RARS2: variants seen among roughly 807,000 people sequenced by gnomAD.
RARS2 encodes probable arginine--tRNA ligase, mitochondrial.
RARS2 carries 67 observed loss-of-function variants against 88.5 expected under a neutral mutation model. The observed-to-expected ratio is 0.76, with a 90% CI of 0.62 to 0.93. The LOEUF is 0.93. Ranked by LOEUF, RARS2 falls within the 40% of genes least tolerant of loss-of-function variation. The pLI, the probability that RARS2 is intolerant of heterozygous loss-of-function variation, is 0.00. For missense variants in RARS2, 664 were observed against 684.2 expected (o/e 0.97, Z 0.33); for synonymous variants, 239 against 230.3 (o/e 1.04, Z -0.34).
chr6:87,585,546 C>T (rs1191999943), intron 1 of RARS2, among the ~76,000 whole-genome samples: 13 of 151,876 alleles, frequency 8.6e-5, no homozygotes, highest in African/African-American at 2.2e-4. Flanking sequence ...CTGGCTAACA[C>T]GGTGAAACCC....
At chr6:87,586,036 A>C (rs924951977) in intron 1 of RARS2, among the ~76,000 whole-genome samples, 2 of 152,214 alleles carry the variant, frequency 1.3e-5, no homozygotes, top group African/African-American at 4.8e-5. Context: ...GTTCTGGTAG[A>C]GACTCGTGCA....
At chr6:87,589,612 G>A (rs1776363179) in intron 1 of RARS2, 2 of 929,386 alleles carry the variant, frequency 2.2e-6, no homozygotes, top group African/African-American at 1.8e-5. Context: ...AACTTCTATG[G>A]GGTCTAATCA....
At chr6:87,555,325 A>T in intron 5 of RARS2, 83 bp downstream of exon 5, 1 of 1,045,526 alleles carries the variant, frequency 9.6e-7, no homozygotes, top group Non-Finnish European at 1.5e-6. Context: ...GTTATTTATT[A>T]AGACCCCCAA....
Position 87,551,626 on chromosome 6 carries a change from C to CAA in RARS2, c.396-2982_396-2981dup, listed in dbSNP as rs71018036. Reference sequence around the variant, plus strand: ...GCGAGACAGCAAGACTCCGTCTCAACAAAAAAAAAAAAAAAAAAAAAAAGA... The same window carrying CAA: ...GCGAGACAGCAAGACTCCGTCTCAACAAAAAAAAAAAAAAAAAAAAAAAAAGA... On this transcript the variant is annotated intron_variant, in intron 5 of 19. Coordinates refer to ENST00000369536, the MANE Select transcript of RARS2 (RefSeq NM_020320.5). Among the ~76,000 whole-genome samples, 451 of 65,126 alleles carry CAA rather than the reference C, an allele frequency of 6.9e-3. 34 individuals carry two copies. The highest frequency in any genetic ancestry group is 0.021 in the African/African-American group (325 of 15,524). 42.7% of individuals were successfully genotyped at this position (65,126 alleles called of 152,430 possible). A position where few individuals can be genotyped will look rare whatever the true frequency, so the allele number is the denominator to read the frequency against.
At chr6:87,547,387 G>C (rs1782905986) in intron 6 of RARS2, among the ~76,000 whole-genome samples, 1 of 152,154 alleles carries the variant, frequency 6.6e-6, no homozygotes. Flanking sequence ...CTCCAATTCT[G>C]AAAAGTATTG....
At chr6:87,533,463 G>T (rs1278910266) in intron 8 of RARS2, among the ~76,000 whole-genome samples, 4 of 152,050 alleles carry the variant, frequency 2.6e-5, no homozygotes, top group African/African-American at 7.2e-5. Context: ...TGGAAAGTAC[G>T]CATTTTGAAG....
chr6:87,584,530 C>T (rs772002508), intron 1 of RARS2, among the ~76,000 whole-genome samples: 16 of 152,136 alleles, frequency 1.1e-4, no homozygotes, highest in Non-Finnish European at 1.8e-4. Flanking sequence ...ATCCTGTAAA[C>T]TTGGAATCAA....
In RARS2 at chr6:87,555,550, C is replaced by T. The variant is rs1785610081; in HGVS notation, c.298-45G>A. ...AATTTAATGAACAAAAATTACAATG[C>T]TTTTAATTACTCTGTTACTGAGAAT... is the stretch of plus-strand genomic sequence containing the variant. On this transcript the variant is annotated intron_variant, in intron 4 of 19. Transcript: ENST00000369536. The T allele has an allele frequency of 2.2e-6, 3 of 1,367,812 alleles. No individual in the cohort carries two copies. In the African/African-American group the frequency reaches 4.3e-5, roughly 20 times the overall value. 84.7% of individuals were successfully genotyped at this position (1,367,812 alleles called of 1,614,324 possible). A position where few individuals can be genotyped will look rare whatever the true frequency, so the allele number is the denominator to read the frequency against.
At chr6:87,540,442 T>A (rs1233694866) in intron 8 of RARS2, among the ~76,000 whole-genome samples, 3 of 86,014 alleles carry the variant, frequency 3.5e-5, no homozygotes, top group Admixed American at 3.6e-4. Flanking sequence ...AGTGTGAGAC[T>A]CCTCAAAAAA....
At chr6:87,525,194 TTTG>T (rs1775269518) in intron 10 of RARS2, among the ~76,000 whole-genome samples, 2 of 152,198 alleles carry the variant, frequency 1.3e-5, no homozygotes, top group Admixed American at 1.3e-4. Context: ...GAAAGTTTGC[TTTG>T]GTACTATGAA....
At position 87,555,520 on chromosome 6, in the gene RARS2, A is replaced by G; in HGVS notation, c.298-15T>C. 1 of 1,575,922 alleles carries G rather than the reference A, an allele frequency of 6.3e-7. No homozygotes were observed. Among genetic ancestry groups the G allele is most frequent in the Non-Finnish European group, 8.7e-7 (1 of 1,145,580 alleles). On this transcript the variant is annotated splice_polypyrimidine_tract_variant and intron_variant, in intron 4 of 19. Transcript: ENST00000369536. ...TGTAGCACTGTCTGAAAATTAAAGG[A>G]CTGTAATTTAATGAACAAAAATTAC...
chr6:87,530,119 G>A (rs976710451), intron 9 of RARS2, among the ~76,000 whole-genome samples: 2 of 152,054 alleles, frequency 1.3e-5, no homozygotes, highest in African/African-American at 2.4e-5. Flanking sequence ...TTAAGGAGAC[G>A]GCCACAGATA....
chr6:87,536,958 A>G (rs1779365658), intron 8 of RARS2, among the ~76,000 whole-genome samples: 1 of 152,244 alleles, frequency 6.6e-6, no homozygotes, highest in Non-Finnish European at 1.5e-5. Context: ...AGGTACAGAG[A>G]AAAACCACTA....
Position 87,562,778 on chromosome 6 carries a change from C to T in RARS2, c.221G>A (p.Cys74Tyr), listed in dbSNP as rs1788230199. Residue 74 changes from cysteine to tyrosine, a missense_variant, in exon 4 of 20, where the codon TGT (cysteine) becomes TAT (tyrosine). By Grantham distance (194) the Cys-to-Tyr change is radical. Transcript: ENST00000369536. ...ACTGATTTCACTCACCACTGTATCACATCTTAGCTGAAAAGAACAAATCAC... is the reference window on the plus strand; with the variant it reads ...ACTGATTTCACTCACCACTGTATCATATCTTAGCTGAAAAGAACAAATCAC... Reference protein sequence around the residue: ...QAKRLAEKLRCDTVVSEISTG... With the variant: ...QAKRLAEKLRYDTVVSEISTG... 6.2e-7 allele frequency: 1 copy of T among 1,612,546 alleles called. No homozygotes were observed. Among genetic ancestry groups the T allele is most frequent in the African/African-American group, 1.3e-5 (1 of 74,890 alleles).
chr6:87,525,152 T>C (rs1192788933), intron 10 of RARS2, among the ~76,000 whole-genome samples: 2 of 152,236 alleles, frequency 1.3e-5, no homozygotes, highest in Non-Finnish European at 2.9e-5. Context: ...CTATTAACTA[T>C]GTTTCACATC....
chr6:87,583,356 G>A (rs1016796520), intron 1 of RARS2, among the ~76,000 whole-genome samples: 5 of 152,164 alleles, frequency 3.3e-5, no homozygotes, highest in Non-Finnish European at 7.4e-5. Flanking sequence ...TTGCGAGGCC[G>A]AAGCATGCAG....
At chr6:87,556,569 G>A (rs950391065) in intron 4 of RARS2, among the ~76,000 whole-genome samples, 11 of 151,880 alleles carry the variant, frequency 7.2e-5, no homozygotes, top group African/African-American at 9.7e-5. Context: ...GGTGGATCAC[G>A]AGGTCAGGAG....
intron 1 of RARS2, among the ~76,000 whole-genome samples, chr6:87,577,142 TA>T (rs1387131760): frequency 6.6e-6 from 1 of 152,234 alleles, no homozygotes; most frequent in Non-Finnish European, 1.5e-5. Context: ...AGATAAGAAC[TA>T]AACAATCAGT....
chr6:87,547,472 G>C (rs1396535277), intron 6 of RARS2, among the ~76,000 whole-genome samples: 1 of 152,070 alleles, frequency 6.6e-6, no homozygotes, highest in Non-Finnish European at 1.5e-5. Context: ...ATTAGATTGA[G>C]ATAAACTCCA....
Sources: allele counts gnomAD v4.1 joint callset (sites outside exome capture counted in the v4.1 genomes callset), GRCh38; gene constraint gnomAD v4.1.1; transcripts MANE v1.5; gene names NCBI Gene and HGNC (gene_info 2026-07-23, HGNC 2026-07-21).